Variants in DGKB observed in about 807,000 individuals in gnomAD.
DGKB encodes diacylglycerol kinase beta.
Under a neutral mutation model 114.3 loss-of-function variants are expected in DGKB, and 67 were observed. That is an observed-to-expected ratio of 0.59 (90% CI 0.48 to 0.72). The LOEUF (loss-of-function observed/expected upper bound fraction) is 0.72, where lower values mean the gene tolerates loss of function less well. DGKB is among the 30% of genes least tolerant of loss of function. The pLI, the probability that DGKB is intolerant of heterozygous loss-of-function variation, is 0.00. For synonymous variants in DGKB, 398 were observed against 323.1 expected, an observed-to-expected ratio of 1.23 and a Z score of -2.49; for missense variants, 907 against 975.2, an observed-to-expected ratio of 0.93 and a Z score of 0.93.
intron 23 of DGKB, among the ~76,000 whole-genome samples, chr7:14,301,850 CA>C (rs1184281178): frequency 6.6e-6 from 1 of 152,096 alleles, no homozygotes; most frequent in Admixed American, 6.6e-5. Flanking sequence ...ATCAAGTGTA[CA>C]GTGCTTTTGT....
At chr7:14,695,557 T>C (rs1017018691) in intron 8 of DGKB, among the ~76,000 whole-genome samples, 2 of 136,110 alleles carry the variant, frequency 1.5e-5, no homozygotes, top group African/African-American at 5.6e-5. Context: ...TGGAGTGCTG[T>C]GGCGCAATCT....
At chr7:14,396,647 T>C (rs1277849687) in intron 21 of DGKB, among the ~76,000 whole-genome samples, 1 of 152,178 alleles carries the variant, frequency 6.6e-6, no homozygotes, top group Admixed American at 6.5e-5. Flanking sequence ...TTAAAGCAGA[T>C]GGCATATTTA....
chr7:14,793,752 T>A (rs564270058), intron 2 of DGKB, among the ~76,000 whole-genome samples: 1 of 152,186 alleles, frequency 6.6e-6, no homozygotes, highest in African/African-American at 2.4e-5. Flanking sequence ...GTATGTCAAC[T>A]TGGCTGGCCA....
chr7:14,957,555 G>A (rs1786583643), intron 1 of DGKB, among the ~76,000 whole-genome samples: 1 of 151,932 alleles, frequency 6.6e-6, no homozygotes, highest in South Asian at 2.1e-4. Flanking sequence ...ATTTCCTGAG[G>A]CTAGCTTTTG....
intron 2 of DGKB, among the ~76,000 whole-genome samples, chr7:14,812,930 T>C (rs1164887207): frequency 6.6e-6 from 1 of 152,152 alleles, no homozygotes; most frequent in Non-Finnish European, 1.5e-5. Flanking sequence ...CACAACTCAC[T>C]TTCCATTGTG....
At chr7:14,452,233 A>C (rs1831634274) in intron 21 of DGKB, among the ~76,000 whole-genome samples, 1 of 152,112 alleles carries the variant, frequency 6.6e-6, no homozygotes, top group African/African-American at 2.4e-5. Context: ...AAAACTATAA[A>C]TCAGTAAGCA....
At position 14,798,316 on chromosome 7, in the gene DGKB, A is replaced by G. The variant is rs147221246; in HGVS notation, c.71-40585T>C. ...TTGTCTGTTTCCTATCGCTATCAATAAGACTACCTTTGTTAGTCAGGCATC... is the reference window on the plus strand; with the variant it reads ...TTGTCTGTTTCCTATCGCTATCAATGAGACTACCTTTGTTAGTCAGGCATC... On this transcript the variant is annotated intron_variant, in intron 2 of 25. Transcript: ENST00000402815. 5.0e-4 allele frequency among the ~76,000 whole-genome samples: 76 copies of G among 152,286 alleles called. 2 individuals carry two copies. In the East Asian group the frequency reaches 0.014, roughly 29 times the overall value.
At chr7:14,328,716 C>T (rs574705160) in intron 23 of DGKB, among the ~76,000 whole-genome samples, 166 of 152,062 alleles carry the variant, frequency 1.1e-3, no homozygotes, top group African/African-American at 3.8e-3. Flanking sequence ...GTGCAGCATT[C>T]AGCAGGTATT....
At chr7:14,583,763 A>G (rs1305953912) in intron 17 of DGKB, among the ~76,000 whole-genome samples, 1 of 152,142 alleles carries the variant, frequency 6.6e-6, no homozygotes, top group Non-Finnish European at 1.5e-5. Context: ...TGCCATAAAT[A>G]CCCACTGCTT....
intron 20 of DGKB, among the ~76,000 whole-genome samples, chr7:14,542,554 T>C (rs1793633444): frequency 6.6e-6 from 1 of 152,158 alleles, no homozygotes; most frequent in Non-Finnish European, 1.5e-5. Context: ...TTCACTAGTT[T>C]TGCATTTCAC....
intron 8 of DGKB, among the ~76,000 whole-genome samples, chr7:14,696,790 T>C (rs1824014793): frequency 6.6e-6 from 1 of 152,206 alleles, no homozygotes; most frequent in Admixed American, 6.5e-5. Context: ...GTTAATGACA[T>C]CTGCCACTCA....
intron 23 of DGKB, among the ~76,000 whole-genome samples, chr7:14,314,459 C>G (rs1008542894): frequency 2.0e-5 from 3 of 151,722 alleles, no homozygotes; most frequent in Non-Finnish European, 4.4e-5. Context: ...AGCTGAAAAC[C>G]AAGGCTCGAG....
At chr7:14,495,784 A>T (rs1785218767) in intron 20 of DGKB, among the ~76,000 whole-genome samples, 1 of 151,814 alleles carries the variant, frequency 6.6e-6, no homozygotes, top group Non-Finnish European at 1.5e-5. Context: ...AAGCCTAGCT[A>T]GACAAAGATT....
At chr7:14,713,681 T>A (rs1827729740) in intron 6 of DGKB, among the ~76,000 whole-genome samples, 1 of 151,478 alleles carries the variant, frequency 6.6e-6, no homozygotes, top group Non-Finnish European at 1.5e-5. Context: ...GACTAGATGG[T>A]CTTTAAGGTC....
chr7:14,632,716 G>C (rs1442240905), intron 13 of DGKB, among the ~76,000 whole-genome samples: 1 of 151,826 alleles, frequency 6.6e-6, no homozygotes, highest in Non-Finnish European at 1.5e-5. Context: ...TATTTTCATG[G>C]AAACAGAGTT....
At chr7:14,639,588 G>T (rs981104346) in intron 13 of DGKB, among the ~76,000 whole-genome samples, 1 of 152,158 alleles carries the variant, frequency 6.6e-6, no homozygotes, top group African/African-American at 2.4e-5. Context: ...CATAGGTGAG[G>T]AAAGGCCAGC....
chr7:14,648,248 T>G (rs1813561048), intron 13 of DGKB, among the ~76,000 whole-genome samples: 1 of 152,182 alleles, frequency 6.6e-6, no homozygotes, highest in African/African-American at 2.4e-5. Context: ...TGTCCCTGTC[T>G]GACAGCTTTG....
At chr7:14,630,180 C>T in intron 14 of DGKB, 56 bp downstream of exon 14, 1 of 1,209,696 alleles carries the variant, frequency 8.3e-7, no homozygotes, top group Non-Finnish European at 1.1e-6. Context: ...TACAGCAATA[C>T]AAGATGTATA....
chr7:14,671,476 C>A (rs773451970), intron 13 of DGKB, among the ~76,000 whole-genome samples: 6 of 152,044 alleles, frequency 3.9e-5, no homozygotes, highest in African/African-American at 1.2e-4. Context: ...TGTCTAAAAA[C>A]AGCAATGAAA....
Sources: allele counts gnomAD v4.1 joint callset (sites outside exome capture counted in the v4.1 genomes callset), GRCh38; gene constraint gnomAD v4.1.1; transcripts MANE v1.5; gene names NCBI Gene and HGNC (gene_info 2026-07-23, HGNC 2026-07-21).